Variants in SCML4 observed in about 807,000 individuals in gnomAD.
The protein encoded by SCML4 is Scm polycomb group protein like 4, also known as sex comb on midleg-like protein 4.
Under a neutral mutation model 41.1 loss-of-function variants are expected in SCML4, and 34 were observed. That is an observed-to-expected ratio of 0.83 (90% CI 0.63 to 1.10). SCML4 has a LOEUF of 1.10. Among genes scored for constraint, SCML4 ranks in the 50% least tolerant of loss-of-function variants. SCML4 has a pLI of 0.00. For synonymous variants in SCML4, 214 were observed against 220.9 expected, an observed-to-expected ratio of 0.97 and a Z score of 0.28; for missense variants, 522 against 534.1, an observed-to-expected ratio of 0.98 and a Z score of 0.22.
intron 1 of SCML4, among the ~76,000 whole-genome samples, chr6:107,785,281 C>T (rs1475906199): frequency 6.6e-6 from 1 of 152,212 alleles, no homozygotes; most frequent in Non-Finnish European, 1.5e-5. Flanking sequence ...AGAGGACCAA[C>T]TCCCTGTGTC....
chr6:107,731,931 C>T (rs1776598463), intron 5 of SCML4: 2 of 152,516 alleles, frequency 1.3e-5, no homozygotes, highest in Admixed American at 1.3e-4. Context: ...GCCAGCTGCA[C>T]CTCTTTTACT....
At position 107,745,121 on chromosome 6, in the gene SCML4, T is replaced by C. The variant is rs112875714; in HGVS notation, c.510A>G (p.Lys170=). 189 of 1,591,648 alleles carry C rather than the reference T, an allele frequency of 1.2e-4. 1 individual carries two copies. In the African/African-American group the frequency reaches 2.2e-3, roughly 18 times the overall value. Residue 170 remains lysine (K), a synonymous_variant, in exon 5 of 8, where the codon AAA becomes AAG. Coordinates refer to ENST00000369020, the MANE Select transcript of SCML4 (RefSeq NM_198081.5). The part of the protein sequence containing the change: ...MVSVSASFDG[K]QHLRSLPVVN... ...CCACAGGCAGGCTCCGCAGGTGCTGTTTGCCATCAAAGGAAGCCGAGACTG... is the reference window on the plus strand; with the variant it reads ...CCACAGGCAGGCTCCGCAGGTGCTGCTTGCCATCAAAGGAAGCCGAGACTG...
At position 107,720,826 on chromosome 6, in the gene SCML4, C is replaced by G. The variant is rs764401709; in HGVS notation, c.850G>C (p.Ala284Pro). 1 of 1,614,084 alleles carries G rather than the reference C, an allele frequency of 6.2e-7. No homozygotes were observed. ...GTGCGGGGACCACCAGCGGTGGCAG[C>G]AGGACCACCCCCAAGGTGGCTGTCT... Reference protein sequence around the residue: ...SGDSHLGGGPAATAGGPRTSP... With the variant: ...SGDSHLGGGPPATAGGPRTSP... Residue 284 changes from alanine (A) to proline (P), a missense_variant, in exon 6 of 8, where the codon GCT becomes CCT. Transcript: ENST00000369020.
chr6:107,750,753 T>C (rs1221189846), intron 2 of SCML4, among the ~76,000 whole-genome samples: 1 of 152,192 alleles, frequency 6.6e-6, no homozygotes, highest in Non-Finnish European at 1.5e-5. Flanking sequence ...GAGGGTCTTG[T>C]TAAAATGCAG....
intron 1 of SCML4, among the ~76,000 whole-genome samples, chr6:107,791,797 T>C (rs1035036752): frequency 3.3e-5 from 5 of 152,018 alleles, no homozygotes; most frequent in Non-Finnish European, 5.9e-5. Flanking sequence ...CTACTTAAAA[T>C]ATAAAAATTA....
intron 6 of SCML4, among the ~76,000 whole-genome samples, chr6:107,712,884 A>G (rs1394698342): frequency 6.6e-6 from 1 of 152,194 alleles, no homozygotes; most frequent in Non-Finnish European, 1.5e-5. Flanking sequence ...GACATGATGG[A>G]TGTGGAAAAG....
At chr6:107,829,765 C>CAACT in the SCML4 span, among the ~76,000 whole-genome samples, 4 of 111,938 alleles carry the variant, frequency 3.6e-5, no homozygotes, top group Admixed American at 3.7e-4. Context: ...AATAAACAAA[C>CAACT]AAATAAATAA....
At chr6:107,754,561 C>A (rs925363446) in intron 2 of SCML4, among the ~76,000 whole-genome samples, 1 of 152,220 alleles carries the variant, frequency 6.6e-6, no homozygotes, top group African/African-American at 2.4e-5. Context: ...TGGGATAACC[C>A]TGGCTAAATC....
intron 2 of SCML4, among the ~76,000 whole-genome samples, chr6:107,761,368 A>G (rs1298456456): frequency 6.6e-6 from 1 of 152,156 alleles, no homozygotes. Context: ...TTTCCAAGAA[A>G]CACCCTAATA....
chr6:107,721,395 C>T (rs1775396488), intron 5 of SCML4, among the ~76,000 whole-genome samples: 2 of 152,182 alleles, frequency 1.3e-5, no homozygotes, highest in East Asian at 3.9e-4. Context: ...GAAACTCCAT[C>T]TCTACTAAAA....
At chr6:107,722,229 G>A (rs148394900) in intron 5 of SCML4, among the ~76,000 whole-genome samples, 4,408 of 152,016 alleles carry the variant, frequency 0.029, 157 homozygotes, top group African/African-American at 0.073. Context: ...CATCTGCCTC[G>A]GCCTCCCAAA....
intron 5 of SCML4, among the ~76,000 whole-genome samples, chr6:107,724,061 A>C (rs1352632802): frequency 6.6e-6 from 1 of 152,228 alleles, no homozygotes. Flanking sequence ...AACAGAGATC[A>C]CACAATCACC....
At chr6:107,724,668 T>A (rs1333523728) in intron 5 of SCML4, among the ~76,000 whole-genome samples, 1 of 152,146 alleles carries the variant, frequency 6.6e-6, no homozygotes, top group Non-Finnish European at 1.5e-5. Context: ...TGTTCATAGA[T>A]CAGAAGGCTT....
intron 5 of SCML4, among the ~76,000 whole-genome samples, chr6:107,725,139 G>T (rs1775833861): frequency 6.6e-6 from 1 of 152,148 alleles, no homozygotes; most frequent in Non-Finnish European, 1.5e-5. Context: ...TCACTTGAGT[G>T]ACTATAGTTT....
At chr6:107,717,566 G>A (rs931956914) in intron 6 of SCML4, among the ~76,000 whole-genome samples, 4 of 152,076 alleles carry the variant, frequency 2.6e-5, no homozygotes, top group African/African-American at 9.7e-5. Context: ...TTTATTTTTT[G>A]AGACAGAGTC....
At chr6:107,821,970 G>A (rs896140600) in intron 1 of SCML4, among the ~76,000 whole-genome samples, 2 of 152,176 alleles carry the variant, frequency 1.3e-5, no homozygotes, top group African/African-American at 4.8e-5. Context: ...TAAGCCCCCA[G>A]ACTCCCAGAA....
chr6:107,724,955 T>C (rs1263645187), intron 5 of SCML4, among the ~76,000 whole-genome samples: 2 of 152,154 alleles, frequency 1.3e-5, no homozygotes, highest in Admixed American at 6.5e-5. Flanking sequence ...AAGACAAATA[T>C]CACATGTTCT....
chr6:107,807,593 G>T (rs532432517), intron 1 of SCML4, among the ~76,000 whole-genome samples: 1 of 152,292 alleles, frequency 6.6e-6, no homozygotes, highest in South Asian at 2.1e-4. Flanking sequence ...TTAACAAAAC[G>T]CTGGGTCAGC....
At chr6:107,744,842 G>A in intron 5 of SCML4, 107 bp downstream of exon 5, 1 of 946,820 alleles carries the variant, frequency 1.1e-6, no homozygotes, top group Non-Finnish European at 1.6e-6. Flanking sequence ...TGGGGCTCCA[G>A]TGGCAGAACT....
Sources: allele counts gnomAD v4.1 joint callset (sites outside exome capture counted in the v4.1 genomes callset), GRCh38; gene constraint gnomAD v4.1.1; transcripts MANE v1.5; gene names NCBI Gene and HGNC (gene_info 2026-07-23, HGNC 2026-07-21).